CRYBB3: variants seen among roughly 807,000 people sequenced by gnomAD.
CRYBB3 encodes the protein beta-crystallin B3.
CRYBB3 carries 35 observed loss-of-function variants against 28.3 expected under a neutral mutation model. The observed-to-expected ratio is 1.24, with a 90% confidence interval of 0.95 to 1.64. The LOEUF is 1.64. CRYBB3 is among the 40% of genes most tolerant of loss of function. The pLI is 0.00. For missense variants in CRYBB3, 296 were observed against 297.4 expected (o/e 1.00, Z 0.04); for synonymous variants, 106 against 110.4 (o/e 0.96, Z 0.25).
rs772718550 is a variant in CRYBB3 at position 25,202,786 on chromosome 22, C to G, written c.188C>G (p.Ser63Cys). ...LEKVGSIQVE[S>C]GPWLAFESRA... ...AAGGTGGGCTCCATCCAAGTGGAGT[C>G]CGGGCCGTGAGTACCTAGACCCCCA... Residue 63 changes from serine to cysteine, a missense_variant, in exon 3 of 6, where the codon TCC (serine) becomes TGC (cysteine). Ser to Cys is a moderately radical substitution (Grantham distance 112, BLOSUM62 -1). Transcript: ENST00000215855. 3 of 1,613,898 alleles carry G rather than the reference C, an allele frequency of 1.9e-6. No homozygotes were observed. Among genetic ancestry groups the G allele is most frequent in the Non-Finnish European group, 8.5e-7 (1 of 1,179,990 alleles).
rs931964572 is a variant in CRYBB3 at position 25,202,882 on chromosome 22, G to A, written c.194+90G>A. The A allele has an allele frequency of 4.4e-5, 69 of 1,566,598 alleles. No individual in the cohort carries two copies. In the Admixed American group the frequency reaches 9.3e-4, roughly 21 times the overall value. ...GTCTGAGCTCTAGATCTGTTGTGGG[G>A]CTTTTGACAGCTCCCCTGCCTTCTC... On this transcript the variant is annotated intron_variant, in intron 3 of 5. Coordinates refer to ENST00000215855, the MANE Select transcript of CRYBB3 (RefSeq NM_004076.5).
chr22:25,203,931 G>T (rs1260483135), intron 4 of CRYBB3, 36 bp downstream of exon 4: 2 of 1,613,796 alleles, frequency 1.2e-6, no homozygotes, highest in South Asian at 2.2e-5. Context: ...GGGTGTTCCT[G>T]GAAGCAGGGT....
chr22:25,204,108 A>G (rs1423026101), intron 4 of CRYBB3, among the ~76,000 whole-genome samples: 3 of 152,218 alleles, frequency 2.0e-5, no homozygotes, highest in Non-Finnish European at 2.9e-5. Context: ...ACCAGGACTC[A>G]CATCTTGAAT....
chr22:25,201,320 A>G (rs1569007155), intron 1 of CRYBB3, 57 bp from the exon 2 acceptor site: 17 of 1,601,592 alleles, frequency 1.1e-5, no homozygotes, highest in South Asian at 3.3e-5. Flanking sequence ...CTCCAGTCAC[A>G]TCAACACCTG....
chr22:25,200,720 A>G (rs1250941306), intron 1 of CRYBB3, among the ~76,000 whole-genome samples: 1 of 152,090 alleles, frequency 6.6e-6, no homozygotes, highest in Non-Finnish European at 1.5e-5. Context: ...GTGTTCAATA[A>G]ATGCTTAAGG....
intron 1 of CRYBB3, among the ~76,000 whole-genome samples, chr22:25,201,118 G>C (rs1934939460): frequency 6.6e-6 from 1 of 152,252 alleles, no homozygotes; most frequent in East Asian, 1.9e-4. Flanking sequence ...CTTCCTCACT[G>C]TGTGCTTGAG....
At chr22:25,203,200 C>T (rs1226545842) in intron 3 of CRYBB3, among the ~76,000 whole-genome samples, 3 of 152,140 alleles carry the variant, frequency 2.0e-5, no homozygotes, top group Non-Finnish European at 4.4e-5. Context: ...GTGTCCCATC[C>T]ATGTCCACAA....
At chr22:25,202,530 G>A (rs1934965450) in intron 2 of CRYBB3, 144 bp from the exon 3 acceptor site, 6 of 1,519,748 alleles carry the variant, frequency 3.9e-6, no homozygotes, top group South Asian at 1.2e-5. Flanking sequence ...CCATTAGAGG[G>A]CAGTGCAGGC....
chr22:25,207,238 G>C lies in CRYBB3; in HGVS notation c.*26G>C, dbSNP rs1055597614. ...AAGGCACCCAGACTTCAAGGACCCA[G>C]ACCCACCCTGGGGGGCTGCAAGGGC... On this transcript the variant is annotated 3_prime_UTR_variant, in exon 6 of 6. Coordinates refer to ENST00000215855, the MANE Select transcript of CRYBB3 (RefSeq NM_004076.5). 6.2e-7 allele frequency: 1 copy of C among 1,605,896 alleles called. No individual in the cohort carries two copies. The highest frequency in any genetic ancestry group is 8.5e-7 in the Non-Finnish European group (1 of 1,176,326).
At chr22:25,205,529 A>G (rs1039343717) in intron 5 of CRYBB3, among the ~76,000 whole-genome samples, 167 bp downstream of exon 5, 19 of 152,078 alleles carry the variant, frequency 1.2e-4, no homozygotes, top group South Asian at 4.2e-4. Context: ...GCGCGATCTC[A>G]GCTCACTGCA....
Position 25,205,313 on chromosome 22 carries a change from G to C in CRYBB3, c.421G>C (p.Ala141Pro), listed in dbSNP as rs754405290. ...GGATGATGACGTGCCCAGCCTGTGG[G>C]CTCATGGCTTCCAGGACCGTGTGGC... ...IVDDDVPSLW[A>P]HGFQDRVASV... The change falls in exon 5 of 6, where the codon GCT becomes CCT. Residue 141 changes from alanine to proline, a missense_variant. Transcript: ENST00000215855. The C allele has an allele frequency of 6.2e-7, 1 of 1,614,134 alleles. No individual in the cohort carries two copies. Among genetic ancestry groups the C allele is most frequent in the South Asian group, 1.1e-5 (1 of 91,080 alleles).
intron 2 of CRYBB3, 40 bp downstream of exon 2, chr22:25,201,511 C>G: frequency 6.2e-7 from 1 of 1,607,330 alleles, no homozygotes; most frequent in Non-Finnish European, 8.5e-7. Context: ...CAGGCTACTC[C>G]TGGGCCTCAG....
intron 4 of CRYBB3, among the ~76,000 whole-genome samples, chr22:25,204,289 G>A (rs1402093212): frequency 1.3e-5 from 2 of 152,050 alleles, no homozygotes; most frequent in Admixed American, 6.5e-5. Context: ...CACCTGAAAG[G>A]GACACAGTCC....
intron 3 of CRYBB3, among the ~76,000 whole-genome samples, chr22:25,203,100 A>G (rs1021882988): frequency 2.6e-5 from 4 of 152,230 alleles, no homozygotes; most frequent in Non-Finnish European, 4.4e-5. Context: ...TTTAACATGC[A>G]TTATGTCATT....
intron 5 of CRYBB3, among the ~76,000 whole-genome samples, chr22:25,206,283 C>T (rs1282141843): frequency 1.3e-5 from 2 of 152,210 alleles, no homozygotes; most frequent in African/African-American, 4.8e-5. Context: ...GGGGCTCACG[C>T]CTGTAATCCC....
chr22:25,204,336 T>C (rs1179925261), intron 4 of CRYBB3, among the ~76,000 whole-genome samples: 1 of 152,220 alleles, frequency 6.6e-6, no homozygotes, highest in African/African-American at 2.4e-5. Flanking sequence ...TATTTATTTA[T>C]TTTTCGAGAC....
chr22:25,205,339 G>T lies in CRYBB3; in HGVS notation c.447G>T (p.Ala149=). Residue 149 remains alanine, a synonymous_variant, in exon 5 of 6, where the codon GCG becomes GCT. Transcript: ENST00000215855. ...CTCATGGCTTCCAGGACCGTGTGGC[G>T]AGTGTCCGTGCCATCAACGGGACGT... ...LWAHGFQDRV[A]SVRAINGTWV... The T allele has an allele frequency of 6.2e-7, 1 of 1,614,128 alleles. No homozygotes were observed. Among genetic ancestry groups the T allele is most frequent in the East Asian group, 2.2e-5 (1 of 44,880 alleles).
At chr22:25,202,552 C>T in intron 2 of CRYBB3, 122 bp from the exon 3 acceptor site, 10 of 1,575,450 alleles carry the variant, frequency 6.3e-6, no homozygotes, top group Non-Finnish European at 8.6e-6. Context: ...CACCTCAGTG[C>T]CAGCTCCAGG....
At chr22:25,204,624 G>A (rs575495461) in intron 4 of CRYBB3, among the ~76,000 whole-genome samples, 1 of 152,240 alleles carries the variant, frequency 6.6e-6, no homozygotes, top group South Asian at 2.1e-4. Flanking sequence ...TGCCATGTTG[G>A]CAAAGCTGGT....
Sources: allele counts gnomAD v4.1 joint callset (sites outside exome capture counted in the v4.1 genomes callset), GRCh38; gene constraint gnomAD v4.1.1; transcripts MANE v1.5; gene names NCBI Gene and HGNC (gene_info 2026-07-23, HGNC 2026-07-21).